The following ROR2 variants were observed in gnomAD, a reference collection of about 807,000 sequenced individuals.
The protein encoded by ROR2 is ROR family WNT receptor 2, also known as tyrosine-protein kinase transmembrane receptor ROR2.
Under a neutral mutation model 74.9 loss-of-function variants are expected in ROR2, and 33 were observed. The ratio of observed to expected loss-of-function variants is 0.44; its 90% CI spans 0.33 to 0.59. The LOEUF is 0.59. ROR2 is among the 20% of genes least tolerant of loss of function. ROR2 has a pLI of 0.02. For missense variants in ROR2, 1,216 were observed against 1,313.8 expected (o/e 0.93, Z 1.15); for synonymous variants, 586 against 558.7 (o/e 1.05, Z -0.69).
intron 1 of ROR2, among the ~76,000 whole-genome samples, chr9:91,798,760 C>T (rs1289448817): frequency 6.6e-6 from 1 of 152,120 alleles, no homozygotes; most frequent in African/African-American, 2.4e-5. Flanking sequence ...CCCCTCTCAT[C>T]CTCCAGCTCT....
intron 1 of ROR2, among the ~76,000 whole-genome samples, chr9:91,795,880 C>T (rs1047579123): frequency 2.0e-5 from 3 of 152,186 alleles, no homozygotes; most frequent in African/African-American, 7.2e-5. Context: ...ACAGGTGGGA[C>T]AGCCTAGGAA....
At chr9:91,846,365 A>T (rs1828931334) in intron 1 of ROR2, among the ~76,000 whole-genome samples, 1 of 152,180 alleles carries the variant, frequency 6.6e-6, no homozygotes, top group South Asian at 2.1e-4. Flanking sequence ...GGGAAGAGAC[A>T]CTGGCACTCA....
chr9:91,939,039 A>T (rs757312271), intron 1 of ROR2, among the ~76,000 whole-genome samples: 2 of 152,170 alleles, frequency 1.3e-5, no homozygotes, highest in Non-Finnish European at 2.9e-5. Flanking sequence ...TCACAAGATC[A>T]GGAGATCTGG....
At chr9:91,921,155 C>G (rs993364002) in intron 1 of ROR2, among the ~76,000 whole-genome samples, 3 of 152,230 alleles carry the variant, frequency 2.0e-5, no homozygotes, top group Non-Finnish European at 4.4e-5. Flanking sequence ...CCCTTCCCCA[C>G]AAAGGGTCCC....
At chr9:91,904,359 G>A (rs1456774316) in intron 1 of ROR2, among the ~76,000 whole-genome samples, 2 of 152,160 alleles carry the variant, frequency 1.3e-5, no homozygotes, top group Non-Finnish European at 2.9e-5. Context: ...AGTTTAGCGG[G>A]TGGAGCCCAC....
At chr9:91,889,853 C>T (rs112043660) in intron 1 of ROR2, among the ~76,000 whole-genome samples, 80 of 152,310 alleles carry the variant, frequency 5.3e-4, no homozygotes, top group African/African-American at 1.2e-3. Flanking sequence ...CTGACCCACA[C>T]GGAAGACACA....
intron 1 of ROR2, among the ~76,000 whole-genome samples, chr9:91,778,157 G>A (rs763016967): frequency 2.0e-5 from 3 of 152,262 alleles, no homozygotes; most frequent in Admixed American, 6.5e-5. Flanking sequence ...CACAAGCTGG[G>A]AGGAATGGCT....
At chr9:91,782,122 C>T (rs557951059) in intron 1 of ROR2, among the ~76,000 whole-genome samples, 1 of 152,376 alleles carries the variant, frequency 6.6e-6, no homozygotes, top group South Asian at 2.1e-4. Flanking sequence ...AAATGCCGCA[C>T]CTCCACCCCC....
intron 1 of ROR2, among the ~76,000 whole-genome samples, chr9:91,940,881 C>T (rs1003635175): frequency 3.3e-5 from 5 of 152,070 alleles, no homozygotes; most frequent in Non-Finnish European, 5.9e-5. Context: ...GGATTACAGG[C>T]GTGAGCCACC....
At chr9:91,893,801 C>T (rs1294200002) in intron 1 of ROR2, among the ~76,000 whole-genome samples, 2 of 152,286 alleles carry the variant, frequency 1.3e-5, no homozygotes, top group East Asian at 3.9e-4. Context: ...CCCTGCCACA[C>T]TCTCCTGCCA....
At chr9:91,936,674 A>C (rs550706083) in intron 1 of ROR2, among the ~76,000 whole-genome samples, 1 of 152,268 alleles carries the variant, frequency 6.6e-6, no homozygotes, top group East Asian at 1.9e-4. Flanking sequence ...TGGCCATAAA[A>C]ACTTGAAACT....
chr9:91,908,966 T>A (rs1194407126), intron 1 of ROR2, among the ~76,000 whole-genome samples: 2 of 152,326 alleles, frequency 1.3e-5, no homozygotes, highest in East Asian at 1.9e-4. Flanking sequence ...AAGATCCAGC[T>A]GTTGTCAGTA....
chr9:91,778,411 C>T (rs956027770), intron 1 of ROR2, among the ~76,000 whole-genome samples: 1 of 152,184 alleles, frequency 6.6e-6, no homozygotes, highest in Non-Finnish European at 1.5e-5. Flanking sequence ...CGGTGCCTGT[C>T]CTGAGTCATT....
intron 1 of ROR2, among the ~76,000 whole-genome samples, chr9:91,815,760 G>T (rs756494854): frequency 1.1e-4 from 17 of 152,190 alleles, no homozygotes; most frequent in Non-Finnish European, 1.5e-4. Flanking sequence ...TGCAGGGTAC[G>T]GTCCCAAGGC....
At chr9:91,768,895 T>C (rs943940659) in intron 2 of ROR2, among the ~76,000 whole-genome samples, 12 of 152,154 alleles carry the variant, frequency 7.9e-5, no homozygotes, top group Admixed American at 5.9e-4. Flanking sequence ...TCACAGCCAA[T>C]AGGAGGATAA....
At chr9:91,920,734 G>A (rs1831243431) in intron 1 of ROR2, among the ~76,000 whole-genome samples, 1 of 152,128 alleles carries the variant, frequency 6.6e-6, no homozygotes. Context: ...AAATACACAT[G>A]ACAGATAGGT....
chr9:91,887,085 G>C (rs1234072118), intron 1 of ROR2: 1 of 152,190 alleles, frequency 6.6e-6, no homozygotes, highest in Non-Finnish European at 1.5e-5. Context: ...AGGGCCTTGG[G>C]TTGCTACTCC....
intron 6 of ROR2, among the ~76,000 whole-genome samples, chr9:91,732,269 A>G (rs990855959): frequency 1.3e-5 from 2 of 152,222 alleles, no homozygotes; most frequent in South Asian, 2.1e-4. Context: ...CCTCGGAGAC[A>G]TAAGCAGCGC....
At chr9:91,817,349 T>C (rs1827975930) in intron 1 of ROR2, among the ~76,000 whole-genome samples, 2 of 152,168 alleles carry the variant, frequency 1.3e-5, no homozygotes, top group Non-Finnish European at 2.9e-5. Context: ...GGGCTCCTGG[T>C]AAATCCCAGA....
Sources: allele counts gnomAD v4.1 joint callset (sites outside exome capture counted in the v4.1 genomes callset), GRCh38; gene constraint gnomAD v4.1.1; transcripts MANE v1.5; gene names NCBI Gene and HGNC (gene_info 2026-07-23, HGNC 2026-07-21).